Variants in FIG4 observed in about 807,000 individuals in gnomAD.
FIG4 encodes the protein FIG4 phosphoinositide 5-phosphatase.
A neutral mutation model predicts 118.6 loss-of-function variants in FIG4; 112 were observed. That is an observed-to-expected ratio of 0.94 (90% CI 0.81 to 1.11). The LOEUF (loss-of-function observed/expected upper bound fraction) is 1.11, where lower values mean the gene tolerates loss of function less well. FIG4 is among the 50% of genes least tolerant of loss of function. The pLI, the probability that FIG4 is intolerant of heterozygous loss-of-function variation, is 0.00. For synonymous variants in FIG4, 369 were observed against 381.2 expected, an observed-to-expected ratio of 0.97 and a Z score of 0.37; for missense variants, 969 against 1,111.7, an observed-to-expected ratio of 0.87 and a Z score of 1.83.
At chr6:109,742,123 T>C (rs1376178845) in intron 8 of FIG4, among the ~76,000 whole-genome samples, 6 of 152,036 alleles carry the variant, frequency 3.9e-5, no homozygotes, top group Admixed American at 6.6e-5. Context: ...AAATGTCTAA[T>C]GTTGTGGAGG....
chr6:109,740,556 G>A (rs1776292688), intron 7 of FIG4, among the ~76,000 whole-genome samples: 1 of 152,086 alleles, frequency 6.6e-6, no homozygotes, highest in Admixed American at 6.6e-5. Context: ...TAACTAATAA[G>A]CTGTATATTG....
chr6:109,785,178 G>T, intron 17 of FIG4, 150 bp downstream of exon 17: 2 of 644,560 alleles, frequency 3.1e-6, no homozygotes, highest in Non-Finnish European at 5.6e-6. Context: ...TAATAGATAG[G>T]ATATTATAAC....
intron 1 of FIG4, among the ~76,000 whole-genome samples, chr6:109,699,767 G>A (rs953171358): frequency 6.6e-6 from 1 of 152,152 alleles, no homozygotes; most frequent in African/African-American, 2.4e-5. Flanking sequence ...GCCTCCCAAA[G>A]TGCTGGGATT....
chr6:109,737,313 T>C (rs1228498033), intron 6 of FIG4, among the ~76,000 whole-genome samples: 2 of 152,180 alleles, frequency 1.3e-5, no homozygotes, highest in African/African-American at 2.4e-5. Flanking sequence ...GCATATACTA[T>C]TTAATCTGAA....
At chr6:109,703,646 T>G (rs1467581555) in intron 1 of FIG4, among the ~76,000 whole-genome samples, 1 of 152,202 alleles carries the variant, frequency 6.6e-6, no homozygotes, top group East Asian at 1.9e-4. Flanking sequence ...TATCCAGGAT[T>G]CTACCTGTTT....
At chr6:109,740,149 C>A (rs1338707254) in intron 7 of FIG4, among the ~76,000 whole-genome samples, 1 of 152,046 alleles carries the variant, frequency 6.6e-6, no homozygotes, top group Non-Finnish European at 1.5e-5. Context: ...ACCAAGGATA[C>A]CAAAAAGAAT....
chr6:109,697,094 C>T (rs920624618), intron 1 of FIG4, among the ~76,000 whole-genome samples: 2 of 151,926 alleles, frequency 1.3e-5, no homozygotes, highest in African/African-American at 4.8e-5. Context: ...AACCCCGTCT[C>T]TACTAAAAAT....
intron 3 of FIG4, among the ~76,000 whole-genome samples, chr6:109,723,970 T>A (rs1489664453): frequency 6.6e-6 from 1 of 152,180 alleles, no homozygotes; most frequent in Non-Finnish European, 1.5e-5. Flanking sequence ...ATAAATTCCT[T>A]TTTTTAGTTT....
At position 109,768,991 on chromosome 6, in the gene FIG4, C is replaced by T. The variant is rs146631888; in HGVS notation, c.1750+2096C>T. 5.0e-3 allele frequency among the ~76,000 whole-genome samples: 761 copies of T among 152,232 alleles called. 7 individuals carry two copies. The highest frequency in any genetic ancestry group is 0.037 in the Middle Eastern group (11 of 294). On this transcript the variant is annotated intron_variant, in intron 15 of 22. Coordinates refer to ENST00000230124, the MANE Select transcript of FIG4 (RefSeq NM_014845.6). ...TACTTCTGTCATGTGCTAATACGTA[C>T]ATATCCCTCAGGGTGTATATCACCA... is the stretch of plus-strand genomic sequence containing the variant.
At chr6:109,749,296 C>T (rs1428088467) in intron 10 of FIG4, among the ~76,000 whole-genome samples, 1 of 151,920 alleles carries the variant, frequency 6.6e-6, no homozygotes, top group Non-Finnish European at 1.5e-5. Context: ...CATATTAATT[C>T]AGAAGTTTCA....
At chr6:109,800,971 G>A (rs1037798698) in intron 22 of FIG4, among the ~76,000 whole-genome samples, 3 of 152,140 alleles carry the variant, frequency 2.0e-5, no homozygotes, top group Non-Finnish European at 4.4e-5. Context: ...AGGTGCTGTG[G>A]GGCCAGGCAG....
At position 109,743,689 on chromosome 6, in the gene FIG4, C is replaced by T. The variant is rs1401101526; in HGVS notation, c.1054C>T (p.Pro352Ser). 4 of 1,611,918 alleles carry T rather than the reference C, an allele frequency of 2.5e-6. No homozygotes were observed. Among genetic ancestry groups the T allele is most frequent in the Non-Finnish European group, 2.5e-6 (3 of 1,178,632 alleles). ...TTCCTTCTCAGTGGATCAGGCAGAT[C>T]CATTTGCACATGTGGCTGCCCTTCA... ...KPPITLDQADPFAHVAALHFD... is the reference protein window; with the variant it reads ...KPPITLDQADSFAHVAALHFD... Residue 352 changes from proline to serine, a missense_variant, in exon 10 of 23, where the codon CCA (proline) becomes TCA (serine). Physicochemically the swap from Pro to Ser is moderately conservative, Grantham distance 74. This residue lies in a region of FIG4 where 246 missense variants were observed against 354.3 expected (regional missense o/e 0.69). Coordinates refer to ENST00000230124, the MANE Select transcript of FIG4 (RefSeq NM_014845.6).
At chr6:109,719,337 C>T (rs536919117) in intron 3 of FIG4, among the ~76,000 whole-genome samples, 1 of 151,624 alleles carries the variant, frequency 6.6e-6, no homozygotes, top group South Asian at 2.1e-4. Flanking sequence ...GTGAAAATCA[C>T]TTATTGAACT....
At chr6:109,707,315 ATATATATATGTATAGG>A in intron 1 of FIG4, among the ~76,000 whole-genome samples, 1 of 147,042 alleles carries the variant, frequency 6.8e-6, no homozygotes, top group South Asian at 2.1e-4. Flanking sequence ...GTGTATGTGT[ATATATATATGTATAGG>A]TATATATATA....
intron 14 of FIG4, 146 bp downstream of exon 14, chr6:109,765,307 T>G: frequency 1.4e-6 from 1 of 697,536 alleles, no homozygotes; most frequent in Non-Finnish European, 2.4e-6. Context: ...CGTTCTGTTT[T>G]TCTTATATTT....
Position 109,776,956 on chromosome 6 carries a change from G to A in FIG4, c.1785G>A (p.Leu595=), listed in dbSNP as rs1777637903. ...GACAAGATTCCATTAATCTCTTCCTGGGAGTTTTCCATCCCACTGAAGGGA... is the reference window on the plus strand; with the variant it reads ...GACAAGATTCCATTAATCTCTTCCTAGGAGTTTTCCATCCCACTGAAGGGA... The part of the protein sequence containing the change: ...ADRQDSINLF[L]GVFHPTEGKP... The change falls in exon 16 of 23, where the codon CTG becomes CTA. Residue 595 remains leucine (L), a synonymous_variant. Transcript: ENST00000230124. 4 of 1,613,280 alleles carry A rather than the reference G, an allele frequency of 2.5e-6. No homozygotes were observed. In the East Asian group the frequency reaches 8.9e-5, roughly 36 times the overall value.
intron 22 of FIG4, among the ~76,000 whole-genome samples, chr6:109,816,599 A>G (rs1415842914): frequency 6.6e-6 from 1 of 152,258 alleles, no homozygotes; most frequent in African/African-American, 2.4e-5. Flanking sequence ...TATCCTGCAC[A>G]GACCCAGTGC....
intron 10 of FIG4, among the ~76,000 whole-genome samples, chr6:109,746,291 C>T (rs1043948786): frequency 1.3e-5 from 2 of 152,124 alleles, no homozygotes; most frequent in Non-Finnish European, 2.9e-5. Context: ...GTTCTAGAAA[C>T]AGCTCCTGCC....
At chr6:109,802,163 C>A (rs1203934033) in intron 22 of FIG4, among the ~76,000 whole-genome samples, 1 of 152,202 alleles carries the variant, frequency 6.6e-6, no homozygotes, top group East Asian at 1.9e-4. Flanking sequence ...CATTTACTTT[C>A]TTTTCTCTTT....
Sources: allele counts gnomAD v4.1 joint callset (sites outside exome capture counted in the v4.1 genomes callset), GRCh38; gene constraint gnomAD v4.1.1; regional missense constraint gnomAD v4.1.1; transcripts MANE v1.5; gene names NCBI Gene and HGNC (gene_info 2026-07-23, HGNC 2026-07-21).